TBC1D32: variants seen among roughly 807,000 people sequenced by gnomAD.
TBC1D32 encodes protein broad-minded.
Under a neutral mutation model 170.3 loss-of-function variants are expected in TBC1D32, and 151 were observed. That is an observed-to-expected ratio of 0.89 (90% CI 0.78 to 1.01). The LOEUF (loss-of-function observed/expected upper bound fraction) is 1.01. Ranked by LOEUF, TBC1D32 falls within the 50% of genes least tolerant of loss-of-function variation. The pLI is 0.00. For synonymous variants in TBC1D32, 498 were observed against 488.0 expected (o/e 1.02, Z -0.27); for missense variants, 1,464 against 1,457.1 (o/e 1.00, Z -0.08).
At chr6:121,200,302 A>G (rs946315956) in intron 22 of TBC1D32, among the ~76,000 whole-genome samples, 1 of 151,448 alleles carries the variant, frequency 6.6e-6, no homozygotes, top group Non-Finnish European at 1.5e-5. Context: ...CAAAGTTAAA[A>G]AAAAAGCTGC....
intron 26 of TBC1D32, among the ~76,000 whole-genome samples, chr6:121,125,574 T>C (rs912684818): frequency 6.6e-6 from 1 of 152,012 alleles, no homozygotes; most frequent in Admixed American, 6.6e-5. Context: ...GGGTCAGAGC[T>C]GATACTACGC....
intron 31 of TBC1D32, among the ~76,000 whole-genome samples, chr6:121,087,400 T>C (rs1776366250): frequency 6.6e-6 from 1 of 152,228 alleles, no homozygotes; most frequent in African/African-American, 2.4e-5. Flanking sequence ...AATAAGTCTA[T>C]ATCCTCAATT....
intron 22 of TBC1D32, among the ~76,000 whole-genome samples, chr6:121,198,103 T>C (rs575991484): frequency 6.7e-6 from 1 of 150,276 alleles, no homozygotes; most frequent in Admixed American, 6.6e-5. Flanking sequence ...AGACAGCCTA[T>C]TGTGAAACCT....
chr6:121,257,288 T>G (rs1198019629), intron 15 of TBC1D32, among the ~76,000 whole-genome samples: 1 of 152,170 alleles, frequency 6.6e-6, no homozygotes, highest in Non-Finnish European at 1.5e-5. Context: ...GTTGCCGCTG[T>G]CTACCTCCTA....
At chr6:121,122,396 A>G (rs1388892706) in intron 26 of TBC1D32, among the ~76,000 whole-genome samples, 1 of 151,986 alleles carries the variant, frequency 6.6e-6, no homozygotes, top group Non-Finnish European at 1.5e-5. Flanking sequence ...ATGACTTTCA[A>G]GATCCTGTAT....
At chr6:121,102,151 T>C (rs1424656800) in intron 30 of TBC1D32, among the ~76,000 whole-genome samples, 1 of 152,002 alleles carries the variant, frequency 6.6e-6, no homozygotes, top group Non-Finnish European at 1.5e-5. Context: ...ACCGTGAAAA[T>C]GGCCATACTG....
At chr6:121,326,939 T>A (rs933687156) in intron 1 of TBC1D32, among the ~76,000 whole-genome samples, 1 of 152,218 alleles carries the variant, frequency 6.6e-6, no homozygotes. Context: ...TTCTACTCTT[T>A]AGGTAAGAGT....
chr6:121,301,049 G>A (rs183922870), intron 9 of TBC1D32, among the ~76,000 whole-genome samples: 7,709 of 152,232 alleles, frequency 0.051, 366 homozygotes, highest in African/African-American at 0.12. Context: ...AACGGATGCT[G>A]GAGAGGATGT....
intron 27 of TBC1D32, among the ~76,000 whole-genome samples, chr6:121,113,957 T>C (rs917133236): frequency 1.3e-5 from 2 of 152,084 alleles, no homozygotes; most frequent in Non-Finnish European, 2.9e-5. Context: ...GGGTGGATCA[T>C]GAGGTCAGGA....
chr6:121,171,629 C>G (rs2128254387), intron 22 of TBC1D32, among the ~76,000 whole-genome samples: 1 of 151,884 alleles, frequency 6.6e-6, no homozygotes, highest in Middle Eastern at 3.4e-3. Context: ...CATATTAAAA[C>G]AGATATTTGC....
At chr6:121,228,570 C>G (rs535828995) in intron 20 of TBC1D32, among the ~76,000 whole-genome samples, 2 of 151,712 alleles carry the variant, frequency 1.3e-5, no homozygotes, top group Non-Finnish European at 2.9e-5. Flanking sequence ...TTTCTAGTTT[C>G]TAGTTCTTGA....
chr6:121,083,975 T>C (rs1282488876), intron 31 of TBC1D32, among the ~76,000 whole-genome samples: 2 of 152,120 alleles, frequency 1.3e-5, no homozygotes, highest in Non-Finnish European at 2.9e-5. Context: ...TGACACTCTC[T>C]AAGTGAGCCA....
At position 121,334,304 on chromosome 6, in the gene TBC1D32, G is replaced by A; in HGVS notation, c.127C>T (p.Leu43=). The A allele has an allele frequency of 6.2e-7, 1 of 1,614,068 alleles. No homozygotes were observed. Among genetic ancestry groups the A allele is most frequent in the Non-Finnish European group, 8.5e-7 (1 of 1,179,990 alleles). ...LECAEEILLH[L]EETDENFHNY... ...TGAAAATTTTCATCAGTTTCCTCCA[G>A]ATGTAAAAGAATCTCTTCGGCACAC... Residue 43 remains leucine (L), a synonymous_variant, in exon 1 of 32, where the codon CTG becomes TTG. Transcript: ENST00000398212.
intron 17 of TBC1D32, among the ~76,000 whole-genome samples, chr6:121,243,694 T>A (rs1035086685): frequency 2.6e-5 from 4 of 151,558 alleles, no homozygotes; most frequent in Non-Finnish European, 5.9e-5. Flanking sequence ...ACAAAGTAAG[T>A]TCAACCAACC....
intron 24 of TBC1D32, among the ~76,000 whole-genome samples, chr6:121,135,771 T>C (rs1781987447): frequency 6.6e-6 from 1 of 152,082 alleles, no homozygotes; most frequent in African/African-American, 2.4e-5. Context: ...ATGTCCAAGT[T>C]CCAAACAGAA....
At position 121,267,333 on chromosome 6, in the gene TBC1D32, C is replaced by T. The variant is rs991604134; in HGVS notation, c.1734-11048G>A. 5.3e-5 allele frequency among the ~76,000 whole-genome samples: 8 copies of T among 152,232 alleles called. No homozygotes were observed. In the South Asian group the frequency reaches 1.0e-3, roughly 20 times the overall value. On this transcript the variant is annotated intron_variant, in intron 15 of 31. Coordinates refer to ENST00000398212, the MANE Select transcript of TBC1D32 (RefSeq NM_152730.6). ...GCAGGGCGGGGCATCGCCTTGAAAG[C>T]GAAGCCCAAGGGGTCAGGGAATTCC...
chr6:121,317,595 T>C lies in TBC1D32; in HGVS notation c.395A>G (p.Asp132Gly). The C allele has an allele frequency of 6.2e-7, 1 of 1,612,986 alleles. No individual in the cohort carries two copies. The highest frequency in any genetic ancestry group is 1.1e-5 in the South Asian group (1 of 90,998). The part of the protein sequence containing the change: ...VESMINKFEE[D>G]ETRNQERQKK... Reference sequence around the variant, plus strand: ...CTGCCTTTCTTGATTTCGTGTCTCATCTTCTTCAAACTTGTTAATCATAGA... The same window carrying C: ...CTGCCTTTCTTGATTTCGTGTCTCACCTTCTTCAAACTTGTTAATCATAGA... The change falls in exon 3 of 32, where the codon GAT becomes GGT. Residue 132 changes from aspartate to glycine, a missense_variant. Physicochemically the swap from Asp to Gly is moderately conservative, Grantham distance 94. Coordinates refer to ENST00000398212, the MANE Select transcript of TBC1D32 (RefSeq NM_152730.6).
At chr6:121,268,664 G>A (rs896321910) in intron 15 of TBC1D32, among the ~76,000 whole-genome samples, 2 of 152,170 alleles carry the variant, frequency 1.3e-5, no homozygotes, top group African/African-American at 2.4e-5. Context: ...CGGGGAGAAT[G>A]AAACCAAGTT....
chr6:121,116,431 G>C (rs910437452), intron 26 of TBC1D32, among the ~76,000 whole-genome samples: 1 of 152,162 alleles, frequency 6.6e-6, no homozygotes, highest in African/African-American at 2.4e-5. Context: ...TACAGATAAA[G>C]TGTTACATGA....
Sources: gnomAD v4.1 joint callset for allele counts (sites outside exome capture counted in the v4.1 genomes callset) on GRCh38, gnomAD v4.1.1 for gene constraint, MANE v1.5 for transcripts, NCBI Gene and HGNC (gene_info 2026-07-23, HGNC 2026-07-21) for gene names.